PDE8B: variants seen among roughly 807,000 people sequenced by gnomAD.
The protein encoded by PDE8B is high affinity cAMP-specific and IBMX-insensitive 3',5'-cyclic phosphodiesterase 8B.
Under a neutral mutation model 101.3 loss-of-function variants are expected in PDE8B, and 26 were observed. The ratio of observed to expected loss-of-function variants is 0.26; its 90% CI spans 0.19 to 0.36. PDE8B has a LOEUF of 0.36. Among genes scored for constraint, PDE8B ranks in the 10% least tolerant of loss-of-function variants. The probability of loss-of-function intolerance (pLI) is 1.00; values close to 1 mark genes in which losing one functional copy is unlikely to be tolerated. For missense variants in PDE8B, 810 were observed against 1,163.1 expected (o/e 0.70, Z 4.42); for synonymous variants, 424 against 429.3 (o/e 0.99, Z 0.15).
At chr5:77,168,919 C>G in the PDE8B span, among the ~76,000 whole-genome samples, 3 of 152,342 alleles carry the variant, frequency 2.0e-5, no homozygotes, top group Admixed American at 1.3e-4. Context: ...GAAATCTTGA[C>G]TTCCTTGTAC....
the PDE8B span, chr5:77,118,669 C>A: frequency 6.1e-6 from 2 of 326,518 alleles, no homozygotes; most frequent in African/African-American, 4.3e-5. Context: ...GTTTCTTTTT[C>A]ATGGGAAAGG....
chr5:77,135,861 C>G, the PDE8B span, among the ~76,000 whole-genome samples: 3 of 152,002 alleles, frequency 2.0e-5, no homozygotes, highest in African/African-American at 7.3e-5. Flanking sequence ...GTCCCTCACC[C>G]ACACCTCAGC....
At chr5:77,231,933 C>T (rs531473501) in intron 1 of PDE8B, among the ~76,000 whole-genome samples, 27 of 152,340 alleles carry the variant, frequency 1.8e-4, no homozygotes, top group African/African-American at 6.0e-4. Context: ...CCAGTGCCTC[C>T]CACTGGTCAC....
At chr5:77,380,797 A>G (rs1561618539) in intron 10 of PDE8B, among the ~76,000 whole-genome samples, 1 of 152,232 alleles carries the variant, frequency 6.6e-6, no homozygotes, top group African/African-American at 2.4e-5. Flanking sequence ...CAATAAGGGG[A>G]AAGTCCATTG....
intron 10 of PDE8B, among the ~76,000 whole-genome samples, chr5:77,358,091 A>G (rs773288177): frequency 6.6e-6 from 1 of 152,000 alleles, no homozygotes; most frequent in Non-Finnish European, 1.5e-5. Context: ...GGGCCTTCTC[A>G]TGATTTGGGG....
In PDE8B at chr5:77,426,830, T is replaced by C. The variant is rs992739456; in HGVS notation, c.*276T>C. 2.5e-6 allele frequency: 1 copy of C among 400,356 alleles called. No individual in the cohort carries two copies. The highest frequency in any genetic ancestry group is 4.7e-6 in the Non-Finnish European group (1 of 211,566). The allele number at this position is 400,356 out of a possible 1,614,324, so 24.8% of individuals were successfully genotyped here. A position where few individuals can be genotyped will look rare whatever the true frequency, so the allele number is the denominator to read the frequency against. ...CATCCTGTGTACCCTTGTCAATCCA[T>C]GGAGCTGGTTCACTGTAACTAGCAG... On this transcript the variant is annotated 3_prime_UTR_variant, in exon 22 of 22. Coordinates refer to ENST00000264917, the MANE Select transcript of PDE8B (RefSeq NM_003719.5).
the PDE8B span, among the ~76,000 whole-genome samples, chr5:77,126,551 G>A: frequency 1.3e-5 from 2 of 151,956 alleles, no homozygotes; most frequent in African/African-American, 4.8e-5. Flanking sequence ...TCAGCCTCCC[G>A]AGTAGCTGGG....
chr5:77,372,201 A>AAACAACAAC (rs3031818), intron 10 of PDE8B, among the ~76,000 whole-genome samples: 2,904 of 151,624 alleles, frequency 0.019, 74 homozygotes, highest in African/African-American at 0.058. Flanking sequence ...TTCTGTCTCA[A>AAACAACAAC]AACAACAACA....
chr5:77,232,634 C>G (rs1753803676), intron 1 of PDE8B, among the ~76,000 whole-genome samples: 1 of 152,182 alleles, frequency 6.6e-6, no homozygotes, highest in African/African-American at 2.4e-5. Flanking sequence ...TTTGTGCTAA[C>G]CGAGTGACCT....
At chr5:77,354,937 C>T (rs569988012) in intron 10 of PDE8B, among the ~76,000 whole-genome samples, 3 of 152,372 alleles carry the variant, frequency 2.0e-5, no homozygotes, top group Non-Finnish European at 2.9e-5. Context: ...CACCAACCAC[C>T]GCCATCATCT....
At chr5:77,212,542 C>T (rs1169283828) in intron 1 of PDE8B, among the ~76,000 whole-genome samples, 1 of 152,054 alleles carries the variant, frequency 6.6e-6, no homozygotes, top group Non-Finnish European at 1.5e-5. Context: ...TCATAATCAC[C>T]ATTATAGTAA....
At chr5:77,188,634 G>T in the PDE8B span, among the ~76,000 whole-genome samples, 3 of 152,196 alleles carry the variant, frequency 2.0e-5, no homozygotes, top group Admixed American at 6.5e-5. Flanking sequence ...TGCAAGGATT[G>T]CACAAGAGGA....
the PDE8B span, among the ~76,000 whole-genome samples, chr5:77,096,137 A>C: frequency 6.6e-6 from 1 of 151,992 alleles, no homozygotes; most frequent in Admixed American, 6.6e-5. Flanking sequence ...CTACAGGCGC[A>C]CGCTACCACA....
the PDE8B span, among the ~76,000 whole-genome samples, chr5:77,152,510 G>A: frequency 2.1e-3 from 319 of 152,210 alleles, 5 homozygotes; most frequent in Non-Finnish European, 2.0e-3. Flanking sequence ...AGACTCACTT[G>A]CCACAAAGCT....
chr5:77,091,595 C>G, the PDE8B span, among the ~76,000 whole-genome samples: 4 of 151,966 alleles, frequency 2.6e-5, no homozygotes, highest in Non-Finnish European at 5.9e-5. Flanking sequence ...GAGCCGAGAT[C>G]GTGCAACTGC....
rs1425344665 is a variant in PDE8B at position 77,412,223 on chromosome 5, T to C, written c.1700T>C (p.Ile567Thr). ...WDFNIFELEA[I>T]THKRPLVYLG... ...TTCAACATCTTTGAATTGGAAGCCA[T>C]TACGCATAAAAGGTATGTGACTTCT... Residue 567 changes from isoleucine (I) to threonine (T), a missense_variant, in exon 16 of 22, where the codon ATT becomes ACT. Coordinates refer to ENST00000264917, the MANE Select transcript of PDE8B (RefSeq NM_003719.5). 2 of 1,613,954 alleles carry C rather than the reference T, an allele frequency of 1.2e-6. No homozygotes were observed. Among genetic ancestry groups the C allele is most frequent in the Non-Finnish European group, 1.7e-6 (2 of 1,179,974 alleles).
intron 1 of PDE8B, among the ~76,000 whole-genome samples, chr5:77,268,301 A>G (rs1188436367): frequency 1.3e-5 from 2 of 152,182 alleles, no homozygotes; most frequent in African/African-American, 4.8e-5. Flanking sequence ...CGTACAATGC[A>G]TAATAATCAC....
intron 1 of PDE8B, among the ~76,000 whole-genome samples, chr5:77,234,368 C>T (rs1013638161): frequency 6.6e-6 from 1 of 152,124 alleles, no homozygotes; most frequent in African/African-American, 2.4e-5. Flanking sequence ...TTTGATCTCC[C>T]TACTCACCCT....
upstream of PDE8B, among the ~76,000 whole-genome samples, chr5:77,210,245 C>A (rs1371645260): frequency 6.6e-6 from 1 of 151,980 alleles, no homozygotes; most frequent in Non-Finnish European, 1.5e-5. This position sits in a 1 kb window ranked among gnomAD's most constrained non-coding sequence, Gnocchi z 4.9. Flanking sequence ...AGAGACGAGG[C>A]CTCTGGACAG....
Sources: allele counts gnomAD v4.1 joint callset (sites outside exome capture counted in the v4.1 genomes callset), GRCh38; gene constraint gnomAD v4.1.1; non-coding constraint Gnocchi (gnomAD v3.1); transcripts MANE v1.5; gene names NCBI Gene and HGNC (gene_info 2026-07-23, HGNC 2026-07-21).